CELF2: variants seen among roughly 807,000 people sequenced by gnomAD.
CELF2 encodes CUGBP Elav-like family member 2.
Under a neutral mutation model 62.6 loss-of-function variants are expected in CELF2, and 8 were observed. That is an observed-to-expected ratio of 0.13 (90% CI 0.07 to 0.23). CELF2 has a LOEUF of 0.23. Among genes scored for constraint, CELF2 ranks in the 10% least tolerant of loss-of-function variants. CELF2 has a pLI of 1.00. For missense variants in CELF2, 333 were observed against 671.0 expected (o/e 0.50, Z 5.56); for synonymous variants, 258 against 250.0 (o/e 1.03, Z -0.30).
chr10:10,517,132 C>G, the CELF2 span, among the ~76,000 whole-genome samples: 1 of 152,160 alleles, frequency 6.6e-6, no homozygotes, highest in Admixed American at 6.5e-5. Flanking sequence ...TTACTTTACT[C>G]TATGCAATTT....
At chr10:11,060,057 G>C (rs2066354086) in intron 1 of CELF2, among the ~76,000 whole-genome samples, 1 of 152,212 alleles carries the variant, frequency 6.6e-6, no homozygotes, top group Admixed American at 6.5e-5. Context: ...AAGAGGAAGA[G>C]AAGTCTAGTA....
Position 10,993,135 on chromosome 10 carries a change from C to T in CELF2, c.89+73136C>T, listed in dbSNP as rs543685396. Among the ~76,000 whole-genome samples, 40 of 152,184 alleles carry T rather than the reference C, an allele frequency of 2.6e-4. No homozygotes were observed. Among genetic ancestry groups the T allele is most frequent in the South Asian group, 1.9e-3 (9 of 4,800 alleles). ...CAGCTGCTGTTTCCCACCGAAGAGG[C>T]GAGTCAGCAGATCAGTAATAAGGTG... On this transcript the variant is annotated intron_variant, in intron 2 of 13. Transcript: ENST00000636488. The surrounding 1 kb of genome is among the most constrained non-coding windows in gnomAD (Gnocchi z 5.3).
chr10:11,164,050 A>G (rs1040555237), intron 1 of CELF2, among the ~76,000 whole-genome samples: 3 of 152,182 alleles, frequency 2.0e-5, no homozygotes, highest in Non-Finnish European at 4.4e-5. Flanking sequence ...ATTAGTTAGC[A>G]TGTCCCCTTT....
chr10:10,677,110 T>C, the CELF2 span, among the ~76,000 whole-genome samples: 1 of 152,212 alleles, frequency 6.6e-6, no homozygotes, highest in African/African-American at 2.4e-5. Context: ...TAGCAATGTA[T>C]AGTCTGCAGA....
chr10:10,469,672 G>A, the CELF2 span, among the ~76,000 whole-genome samples: 1 of 151,790 alleles, frequency 6.6e-6, no homozygotes, highest in Non-Finnish European at 1.5e-5. Context: ...TGGTTGGGAA[G>A]TATTCCTTCC....
the CELF2 span, among the ~76,000 whole-genome samples, chr10:10,774,889 T>A: frequency 2.3e-3 from 351 of 150,102 alleles, 2 homozygotes; most frequent in Non-Finnish European, 3.8e-3. Context: ...ATTTATTTTT[T>A]TTTTTTTGAG....
In CELF2 at chr10:11,145,709, A is replaced by C. The variant is rs2062138274; in HGVS notation, c.75-19777A>C. Among the ~76,000 whole-genome samples the C allele has an allele frequency of 6.6e-6, 1 of 152,184 alleles. No homozygotes were observed. Among genetic ancestry groups the C allele is most frequent in the Non-Finnish European group, 1.5e-5 (1 of 68,040 alleles). On this transcript the variant is annotated intron_variant, in intron 1 of 12. Coordinates refer to ENST00000633077, the MANE Select transcript of CELF2 (RefSeq NM_001326342.2). This position sits in a 1 kb window ranked among gnomAD's most constrained non-coding sequence, Gnocchi z 4.3. ...GCACATAAACCAGACATGCTTTAGAAAATCCAGCCAGGCCTCTGTGGTAGA... is the reference window on the plus strand; with the variant it reads ...GCACATAAACCAGACATGCTTTAGACAATCCAGCCAGGCCTCTGTGGTAGA...
At position 11,266,668 on chromosome 10, in the gene CELF2, G is replaced by C; in HGVS notation, c.609G>C (p.Gln203His). 6.2e-7 allele frequency: 1 copy of C among 1,613,534 alleles called. No homozygotes were observed. The part of the protein sequence containing the change: ...QNAIKAMHQS[Q>H]TMEGCSSPIV... ...CAATCAAAGCCATGCATCAGTCTCA[G>C]ACCATGGAGGTACTGTATCATCTGC... Residue 203 changes from glutamine to histidine, a missense_variant, in exon 6 of 13, where the codon CAG (glutamine) becomes CAC (histidine). Coordinates refer to ENST00000633077, the MANE Select transcript of CELF2 (RefSeq NM_001326342.2).
At chr10:11,307,459 T>C (rs1459679703) in intron 9 of CELF2, among the ~76,000 whole-genome samples, 1 of 152,266 alleles carries the variant, frequency 6.6e-6, no homozygotes, top group Non-Finnish European at 1.5e-5. Flanking sequence ...TGTTACCTGC[T>C]TTCATTGTTT....
chr10:10,781,048 G>A, the CELF2 span, among the ~76,000 whole-genome samples: 2 of 152,046 alleles, frequency 1.3e-5, no homozygotes, highest in Admixed American at 6.6e-5. Flanking sequence ...ATTCCACAAA[G>A]AAAGCACGTT....
chr10:11,059,024 G>C (rs1380368503), intron 1 of CELF2, among the ~76,000 whole-genome samples: 1 of 152,170 alleles, frequency 6.6e-6, no homozygotes, highest in Non-Finnish European at 1.5e-5. Context: ...CTCAAGCAAT[G>C]CTTCTTCCTT....
At chr10:10,787,198 G>A in the CELF2 span, among the ~76,000 whole-genome samples, 2 of 150,128 alleles carry the variant, frequency 1.3e-5, no homozygotes, top group South Asian at 2.1e-4. Flanking sequence ...TAATGCTTCA[G>A]TGGGAAGAAA....
intron 1 of CELF2, among the ~76,000 whole-genome samples, chr10:10,801,422 A>T (rs1231856442): frequency 1.3e-5 from 2 of 152,212 alleles, no homozygotes; most frequent in Non-Finnish European, 2.9e-5. Flanking sequence ...TGCCACCAAT[A>T]AGTCTCTGCC....
At chr10:10,901,652 T>C (rs2062945429) in intron 1 of CELF2, among the ~76,000 whole-genome samples, 2 of 151,354 alleles carry the variant, frequency 1.3e-5, no homozygotes, top group Non-Finnish European at 2.9e-5. Context: ...AGCTAGTACA[T>C]TGGACTTCAC....
intron 1 of CELF2, among the ~76,000 whole-genome samples, chr10:11,023,392 A>G (rs1388545092): frequency 6.6e-6 from 1 of 152,242 alleles, no homozygotes; most frequent in East Asian, 1.9e-4. Context: ...ATGGAGCTGC[A>G]CATTCCTGGG....
the CELF2 span, among the ~76,000 whole-genome samples, chr10:10,519,303 T>C: frequency 6.6e-6 from 1 of 152,178 alleles, no homozygotes; most frequent in Non-Finnish European, 1.5e-5. Flanking sequence ...ATAAATGCTT[T>C]GAATAAATCT....
chr10:10,506,803 T>A, the CELF2 span, among the ~76,000 whole-genome samples: 1 of 148,358 alleles, frequency 6.7e-6, no homozygotes, highest in South Asian at 2.2e-4. Context: ...TAGCTGGGAT[T>A]ACAGGCACGT....
chr10:11,128,953 G>A (rs569213368), intron 1 of CELF2, among the ~76,000 whole-genome samples: 1 of 152,286 alleles, frequency 6.6e-6, no homozygotes. Flanking sequence ...CCTGTCTTGT[G>A]CCAGTTTTCA....
At position 11,220,660 on chromosome 10, in the gene CELF2, C is replaced by G. The variant is rs921471429; in HGVS notation, c.354+3153C>G. ...ATCCCCTGAAATTCTCAACATAAAC[C>G]CTAGAAATACAATGGCAGTCATAAA... is the stretch of plus-strand genomic sequence containing the variant. On this transcript the variant is annotated intron_variant, in intron 3 of 12. Coordinates refer to ENST00000633077, the MANE Select transcript of CELF2 (RefSeq NM_001326342.2). This position sits in a 1 kb window ranked among gnomAD's most constrained non-coding sequence, Gnocchi z 4.4. Among the ~76,000 whole-genome samples the G allele has an allele frequency of 3.9e-5, 6 of 152,136 alleles. No homozygotes were observed. Among genetic ancestry groups the G allele is most frequent in the African/African-American group, 1.4e-4 (6 of 41,424 alleles).
Sources: allele counts gnomAD v4.1 joint callset (sites outside exome capture counted in the v4.1 genomes callset), GRCh38; gene constraint gnomAD v4.1.1; non-coding constraint Gnocchi (gnomAD v3.1); transcripts MANE v1.5; gene names NCBI Gene and HGNC (gene_info 2026-07-23, HGNC 2026-07-21).